The following MYO10 variants were observed in gnomAD, a reference collection of about 807,000 sequenced individuals.
MYO10 encodes the protein myosin X, also known as unconventional myosin-X.
MYO10 carries 133 observed loss-of-function variants against 257.3 expected under a neutral mutation model. That is an observed-to-expected ratio of 0.52 (90% CI 0.45 to 0.60). The LOEUF (loss-of-function observed/expected upper bound fraction) is 0.60. MYO10 is among the 20% of genes least tolerant of loss of function. The pLI, the probability that MYO10 is intolerant of heterozygous loss-of-function variation, is 0.00. For synonymous variants in MYO10, 1,104 were observed against 1,028.6 expected, an observed-to-expected ratio of 1.07 and a Z score of -1.40; for missense variants, 2,399 against 2,635.7, an observed-to-expected ratio of 0.91 and a Z score of 1.97.
At chr5:16,918,580 G>C (rs1745892609) in intron 1 of MYO10, among the ~76,000 whole-genome samples, 1 of 139,292 alleles carries the variant, frequency 7.2e-6, no homozygotes, top group South Asian at 2.2e-4. Context: ...TCAGCTCACT[G>C]CAAACTCCGC....
rs1736129424 is a variant in MYO10, at chr5:16,665,641, C to G, written c.*1051G>C. Reference sequence around the variant, plus strand: ...GAATGCAGCGTCTCTCCCCCATAGTCAACATGGTTATTATATCTGTAATCT... The same window carrying G: ...GAATGCAGCGTCTCTCCCCCATAGTGAACATGGTTATTATATCTGTAATCT... On this transcript the variant is annotated 3_prime_UTR_variant, in exon 41 of 41. Coordinates refer to ENST00000513610, the MANE Select transcript of MYO10 (RefSeq NM_012334.3). 3 of 152,342 alleles carry G rather than the reference C, an allele frequency of 2.0e-5. No individual in the cohort carries two copies. The highest frequency in any genetic ancestry group is 7.2e-5 in the African/African-American group (3 of 41,450). 9.4% of individuals were successfully genotyped at this position (152,342 alleles called of 1,614,324 possible).
intron 1 of MYO10, among the ~76,000 whole-genome samples, chr5:16,883,583 C>T (rs11745296): frequency 1.1e-4 from 16 of 152,282 alleles, no homozygotes; most frequent in Non-Finnish European, 2.1e-4. Flanking sequence ...TGATACCTCC[C>T]CATCTGGCCC....
intron 1 of MYO10, among the ~76,000 whole-genome samples, chr5:16,935,053 G>T (rs746574639): frequency 2.0e-5 from 3 of 152,146 alleles, no homozygotes; most frequent in Non-Finnish European, 4.4e-5. Context: ...CGATCCCAAA[G>T]GGGGAAAAAG....
chr5:16,712,740 A>G (rs1466319651), intron 19 of MYO10, among the ~76,000 whole-genome samples: 2 of 152,182 alleles, frequency 1.3e-5, no homozygotes, highest in African/African-American at 2.4e-5. Context: ...CTCATATTTA[A>G]TTTCTTCTAC....
At chr5:16,821,044 T>C (rs2126707659) in intron 2 of MYO10, among the ~76,000 whole-genome samples, 1 of 147,566 alleles carries the variant, frequency 6.8e-6, no homozygotes, top group East Asian at 2.0e-4. Context: ...GATGTTTATA[T>C]ACATATATGT....
intron 4 of MYO10, among the ~76,000 whole-genome samples, chr5:16,790,912 TAC>T (rs3993823): frequency 0.35 from 51,641 of 147,848 alleles, 9,366 homozygotes; most frequent in Non-Finnish European, 0.41. Flanking sequence ...TATATATATA[TAC>T]ACACACACAC....
chr5:16,816,337 CAAAAAAA>C (rs369557076), intron 3 of MYO10, among the ~76,000 whole-genome samples: 1 of 106,334 alleles, frequency 9.4e-6, no homozygotes, highest in Non-Finnish European at 1.9e-5. Context: ...GACTCTGTCT[CAAAAAAA>C]AAAAAAAAAG....
rs1289081461 is a variant in MYO10 at position 16,805,200 on chromosome 5, C to A, written c.280-10367G>T. ...AATTCTGGCTGGGTGCAGTGGCTCA[C>A]ACCTGTAATCCCAGCACTTTGGGAG... is the stretch of plus-strand genomic sequence containing the variant. On this transcript the variant is annotated intron_variant, in intron 3 of 40. Transcript: ENST00000513610. 2.6e-5 allele frequency among the ~76,000 whole-genome samples: 4 copies of A among 151,898 alleles called. No homozygotes were observed. In the East Asian group the frequency reaches 7.8e-4, roughly 30 times the overall value.
chr5:16,729,297 T>G (rs2126612495), intron 19 of MYO10, among the ~76,000 whole-genome samples: 1 of 152,352 alleles, frequency 6.6e-6, no homozygotes, highest in Admixed American at 6.5e-5. Flanking sequence ...ATTTAAATTC[T>G]TCTTCAAAAC....
intron 2 of MYO10, among the ~76,000 whole-genome samples, chr5:16,820,973 TTA>T (rs1411401315): frequency 1.4e-5 from 2 of 147,518 alleles, no homozygotes; most frequent in South Asian, 2.1e-4. Flanking sequence ...ATAAAACATC[TTA>T]TATATATTAT....
At chr5:16,836,746 G>A (rs1485135993) in intron 2 of MYO10, among the ~76,000 whole-genome samples, 4 of 152,258 alleles carry the variant, frequency 2.6e-5, no homozygotes, top group African/African-American at 7.2e-5. Context: ...CATGGCTGGT[G>A]GGAATGTAAA....
At chr5:16,777,357 G>A (rs1402280072) in intron 9 of MYO10, among the ~76,000 whole-genome samples, 2 of 152,142 alleles carry the variant, frequency 1.3e-5, no homozygotes, top group East Asian at 3.9e-4. Context: ...AGCCTAGTCC[G>A]TTTGGAATTT....
intron 19 of MYO10, among the ~76,000 whole-genome samples, chr5:16,720,348 C>T (rs958618331): frequency 6.6e-6 from 1 of 152,184 alleles, no homozygotes; most frequent in African/African-American, 2.4e-5. Context: ...ATAAGACCAA[C>T]CTCCACATTG....
chr5:16,702,527 TCACTG>T lies in MYO10; in HGVS notation c.2556+11_2556+15del. On this transcript the variant is annotated intron_variant, in intron 24 of 40. Coordinates refer to ENST00000513610, the MANE Select transcript of MYO10 (RefSeq NM_012334.3). The stretch of plus-strand genomic sequence containing the variant: ...AGTAGAAACACAAGAGGCTAAGTTG[TCACTG>T]CACTCATTACCTGCTGGGCGCGGAG... 2 of 1,587,254 alleles carry T rather than the reference TCACTG, an allele frequency of 1.3e-6. No homozygotes were observed. The highest frequency in any genetic ancestry group is 1.7e-6 in the Non-Finnish European group (2 of 1,165,822).
Position 16,935,984 on chromosome 5 carries a change from C to G in MYO10, c.-176G>C. 2 of 726,050 alleles carry G rather than the reference C, an allele frequency of 2.8e-6. No individual in the cohort carries two copies. Among genetic ancestry groups the G allele is most frequent in the South Asian group, 3.6e-5 (2 of 56,296 alleles). The allele number at this position is 726,050 out of a possible 1,614,324, so 45.0% of individuals were successfully genotyped here. A position where few individuals can be genotyped will look rare whatever the true frequency, so the allele number is the denominator to read the frequency against. Reference sequence around the variant, plus strand: ...TTGTCCTTCTCACCTTTTGTTCGCCCAAACCCAAGTCCCTAACTCGCCCGT... The same window carrying G: ...TTGTCCTTCTCACCTTTTGTTCGCCGAAACCCAAGTCCCTAACTCGCCCGT... On this transcript the variant is annotated 5_prime_UTR_variant, in exon 1 of 41. Transcript: ENST00000513610.
At position 16,668,422 on chromosome 5, in the gene MYO10, G is replaced by A. The variant is rs200219901; in HGVS notation, c.5930C>T (p.Ala1977Val). The A allele has an allele frequency of 4.9e-5, 79 of 1,613,380 alleles. No individual in the cohort carries two copies. The highest frequency in any genetic ancestry group is 1.7e-4 in the Middle Eastern group (1 of 6,048). Reference protein sequence around the residue: ...FPQELWLGVSADAVSVYKRGE... With the variant: ...FPQELWLGVSVDAVSVYKRGE... ...ACGCTTGTAGACGGAGACGGCGTCCGCGCTGACACCCAACCAGAGTTCCTG... is the reference window on the plus strand; with the variant it reads ...ACGCTTGTAGACGGAGACGGCGTCCACGCTGACACCCAACCAGAGTTCCTG... The change falls in exon 40 of 41, where the codon GCG (alanine) becomes GTG (valine). Residue 1977 changes from alanine (A) to valine (V), a missense_variant. Physicochemically the swap from Ala to Val is moderately conservative, Grantham distance 64 (BLOSUM62 0). Around this residue, in one of 3 missense-constraint regions of MYO10, gnomAD observed 1,820 missense variants for 1,939.4 expected, o/e 0.94. Transcript: ENST00000513610.
chr5:16,771,520 C>A (rs924507561), intron 9 of MYO10, among the ~76,000 whole-genome samples: 7 of 149,156 alleles, frequency 4.7e-5, no homozygotes, highest in African/African-American at 1.7e-4. Context: ...GCCCAACTGA[C>A]CCAAATCTAG....
intron 2 of MYO10, among the ~76,000 whole-genome samples, chr5:16,875,094 G>A (rs1385849342): frequency 1.3e-5 from 2 of 152,100 alleles, no homozygotes; most frequent in Admixed American, 1.3e-4. Flanking sequence ...CTCCCCCTGG[G>A]TCCCTCCCAC....
intron 1 of MYO10, among the ~76,000 whole-genome samples, chr5:16,898,214 G>A (rs891389012): frequency 6.6e-6 from 1 of 151,544 alleles, no homozygotes; most frequent in Admixed American, 6.6e-5. Flanking sequence ...CAGAAATAAG[G>A]CAAGCCACAT....
Sources: gnomAD v4.1 joint callset for allele counts (sites outside exome capture counted in the v4.1 genomes callset) on GRCh38, gnomAD v4.1.1 for gene constraint, gnomAD v4.1.1 regional missense constraint, MANE v1.5 for transcripts, NCBI Gene and HGNC (gene_info 2026-07-23, HGNC 2026-07-21) for gene names.